Variants in AVL9 observed in about 807,000 individuals in gnomAD.
The protein encoded by AVL9 is late secretory pathway protein AVL9 homolog.
Under a neutral mutation model 79.2 loss-of-function variants are expected in AVL9, and 49 were observed. That is an observed-to-expected ratio of 0.62 (90% CI 0.49 to 0.79). AVL9 has a LOEUF of 0.79. AVL9 is among the 30% of genes least tolerant of loss of function. The pLI is 0.00. For missense variants in AVL9, 682 were observed against 776.8 expected, an observed-to-expected ratio of 0.88 and a Z score of 1.45; for synonymous variants, 299 against 280.6, an observed-to-expected ratio of 1.07 and a Z score of -0.65.
At chr7:32,518,162 G>C (rs1373290249) in intron 1 of AVL9, among the ~76,000 whole-genome samples, 1 of 152,074 alleles carries the variant, frequency 6.6e-6, no homozygotes, top group Admixed American at 6.6e-5. Flanking sequence ...AGAAGACATT[G>C]ATATTAGTTT....
intron 8 of AVL9, 134 bp from the exon 9 acceptor site, chr7:32,558,425 G>C (rs1790179790): frequency 3.3e-6 from 2 of 601,282 alleles, no homozygotes; most frequent in Non-Finnish European, 5.7e-6. Context: ...CAAAGTGCTG[G>C]GATTACAGGC....
intron 1 of AVL9, among the ~76,000 whole-genome samples, chr7:32,503,217 G>A (rs867056964): frequency 6.6e-6 from 1 of 151,264 alleles, no homozygotes; most frequent in African/African-American, 2.4e-5. Flanking sequence ...GCTCACAACT[G>A]TAAATCCCAG....
intron 1 of AVL9, among the ~76,000 whole-genome samples, chr7:32,503,347 T>TATATATATATATAG (rs1554332667): frequency 1.3e-5 from 1 of 74,296 alleles, no homozygotes; most frequent in Non-Finnish European, 3.0e-5. Flanking sequence ...TATATATAGA[T>TATATATATATATAG]ATAGATATAG....
chr7:32,510,366 A>G (rs1787610103), intron 1 of AVL9, among the ~76,000 whole-genome samples: 1 of 151,126 alleles, frequency 6.6e-6, no homozygotes, highest in Non-Finnish European at 1.5e-5. Flanking sequence ...AGTATGAGGG[A>G]AACCATCTCC....
At chr7:32,569,585 G>A (rs59919034) in intron 10 of AVL9, among the ~76,000 whole-genome samples, 91,169 of 152,098 alleles carry the variant, frequency 0.6, 28,327 homozygotes, top group Admixed American at 0.7. Context: ...GTACCTTGCT[G>A]TTCTCCTAAT....
At chr7:32,561,780 C>G (rs1790344835) in intron 10 of AVL9, among the ~76,000 whole-genome samples, 1 of 152,202 alleles carries the variant, frequency 6.6e-6, no homozygotes, top group South Asian at 2.1e-4. Flanking sequence ...TTTGACATGC[C>G]TTCCTTACTA....
At chr7:32,551,953 A>T (rs773452193) in intron 5 of AVL9, among the ~76,000 whole-genome samples, 23 of 152,106 alleles carry the variant, frequency 1.5e-4, no homozygotes, top group Admixed American at 5.9e-4. Context: ...TCATACCACT[A>T]TGTGAATGAA....
intron 3 of AVL9, among the ~76,000 whole-genome samples, chr7:32,545,930 G>A (rs950673017): frequency 2.0e-5 from 3 of 152,050 alleles, no homozygotes; most frequent in East Asian, 3.9e-4. Context: ...GTCTGCCCCC[G>A]CCCCAAAAGA....
chr7:32,502,479 A>G (rs1787186743), intron 1 of AVL9, among the ~76,000 whole-genome samples: 1 of 151,628 alleles, frequency 6.6e-6, no homozygotes, highest in Admixed American at 6.6e-5. Flanking sequence ...TACCATTAAT[A>G]TTTTTCTGTA....
intron 1 of AVL9, among the ~76,000 whole-genome samples, chr7:32,496,486 T>C (rs1485089221): frequency 6.6e-6 from 1 of 152,244 alleles, no homozygotes; most frequent in South Asian, 2.1e-4. Flanking sequence ...TATAAAGGCG[T>C]TTTTCAGCAG....
Position 32,521,688 on chromosome 7 carries a change from C to T in AVL9, c.94-21453C>T, listed in dbSNP as rs145163179. ...TCTGGGGAGAGATTCAAGCCAGCTG[C>T]GGAAATTTGTGTAAGTAGCAAGGAG... On this transcript the variant is annotated intron_variant, in intron 1 of 15. Transcript: ENST00000318709. Among the ~76,000 whole-genome samples, 102 of 152,264 alleles carry T rather than the reference C, an allele frequency of 6.7e-4. 1 individual carries two copies. Among genetic ancestry groups the T allele is most frequent in the African/African-American group, 2.1e-3 (87 of 41,556 alleles).
At chr7:32,554,824 GAC>G (rs1789987771) in intron 8 of AVL9, among the ~76,000 whole-genome samples, 1 of 152,086 alleles carries the variant, frequency 6.6e-6, no homozygotes, top group Admixed American at 6.6e-5. Flanking sequence ...AAATAGAAAG[GAC>G]ATATTGGCTC....
intron 1 of AVL9, among the ~76,000 whole-genome samples, chr7:32,516,766 T>TA (rs33970150): frequency 0.048 from 6,467 of 134,332 alleles, 483 homozygotes; most frequent in African/African-American, 0.16. Context: ...CCTAGGCCTT[T>TA]AAAAAAAAAA....
Position 32,495,573 on chromosome 7 carries a change from C to A in AVL9, c.-137C>A. 1 of 476,832 alleles carries A rather than the reference C, an allele frequency of 2.1e-6. No homozygotes were observed. 29.5% of individuals were successfully genotyped at this position (476,832 alleles called of 1,614,324 possible). Reference sequence around the variant, plus strand: ...GGGGGCGGCGGGAGCTGCTTTGCCTCCACCGATCTCCCTGTGCGGCCCTCA... The same window carrying A: ...GGGGGCGGCGGGAGCTGCTTTGCCTACACCGATCTCCCTGTGCGGCCCTCA... On this transcript the variant is annotated 5_prime_UTR_variant, in exon 1 of 16. Coordinates refer to ENST00000318709, the MANE Select transcript of AVL9 (RefSeq NM_015060.3).
chr7:32,555,693 C>T (rs1790025866), intron 8 of AVL9, among the ~76,000 whole-genome samples: 1 of 152,174 alleles, frequency 6.6e-6, no homozygotes, highest in Admixed American at 6.5e-5. Flanking sequence ...AGAAAAAGTT[C>T]ACCAGCCTTT....
chr7:32,559,801 C>T (rs1301997375), intron 10 of AVL9, among the ~76,000 whole-genome samples: 1 of 152,138 alleles, frequency 6.6e-6, no homozygotes, highest in Admixed American at 6.6e-5. Flanking sequence ...TCAATAAATA[C>T]AGGCACACCT....
intron 1 of AVL9, among the ~76,000 whole-genome samples, chr7:32,499,538 T>A (rs1787022498): frequency 6.6e-6 from 1 of 151,856 alleles, no homozygotes; most frequent in African/African-American, 2.4e-5. Context: ...TAAACTGGAT[T>A]TACCAAACTG....
chr7:32,529,308 G>T (rs1398645207), intron 1 of AVL9, among the ~76,000 whole-genome samples: 2 of 152,170 alleles, frequency 1.3e-5, no homozygotes, highest in Non-Finnish European at 2.9e-5. Flanking sequence ...AAAACAGAGG[G>T]GACCCCCCTA....
intron 10 of AVL9, 83 bp from the exon 11 acceptor site, chr7:32,569,937 T>C: frequency 2.2e-6 from 3 of 1,385,488 alleles, no homozygotes; most frequent in Non-Finnish European, 3.0e-6. Flanking sequence ...GAAGTTTCTT[T>C]TCCTACTGTT....
Sources: gnomAD v4.1 joint callset for allele counts (sites outside exome capture counted in the v4.1 genomes callset) on GRCh38, gnomAD v4.1.1 for gene constraint, MANE v1.5 for transcripts, NCBI Gene and HGNC (gene_info 2026-07-23, HGNC 2026-07-21) for gene names.